DYM: variants seen among roughly 807,000 people sequenced by gnomAD.
DYM encodes dymeclin.
In DYM, 78 loss-of-function variants were observed where a neutral mutation model predicts 93.1. The ratio of observed to expected loss-of-function variants is 0.84; its 90% CI spans 0.70 to 1.01. The LOEUF (loss-of-function observed/expected upper bound fraction) is 1.01. Among genes scored for constraint, DYM ranks in the 50% least tolerant of loss-of-function variants. DYM has a pLI of 0.00. For synonymous variants in DYM, 321 were observed against 319.7 expected (o/e 1.00, Z -0.04); for missense variants, 789 against 845.0 (o/e 0.93, Z 0.82).
intron 15 of DYM, among the ~76,000 whole-genome samples, chr18:49,138,448 C>T (rs1019312823): frequency 2.0e-5 from 3 of 152,258 alleles, no homozygotes; most frequent in East Asian, 3.9e-4. Context: ...CCTCCACCTC[C>T]TAGGGGCCTT....
At chr18:49,200,022 A>C in intron 14 of DYM, among the ~76,000 whole-genome samples, 1 of 152,158 alleles carries the variant, frequency 6.6e-6, no homozygotes, top group Non-Finnish European at 1.5e-5. Flanking sequence ...AAATCTATGA[A>C]AGTTCTAAAA....
chr18:49,145,108 C>CACATATATATATATATATATAT (rs74174741), intron 15 of DYM, among the ~76,000 whole-genome samples: 8 of 18,752 alleles, frequency 4.3e-4, no homozygotes, highest in Non-Finnish European at 9.2e-4. Context: ...CAAAAAAATT[C>CACATATATATATATATATATAT]ATATATATAT....
intron 11 of DYM, among the ~76,000 whole-genome samples, chr18:49,262,199 G>A (rs1231131959): frequency 6.6e-6 from 1 of 152,218 alleles, no homozygotes; most frequent in Non-Finnish European, 1.5e-5. Context: ...TGTGATGACA[G>A]TAGCAGAGAC....
chr18:49,252,359 G>A (rs1400679088), intron 13 of DYM, among the ~76,000 whole-genome samples: 4 of 151,870 alleles, frequency 2.6e-5, no homozygotes, highest in African/African-American at 7.3e-5. Flanking sequence ...GGAGAAGCAC[G>A]GCACCTTCTT....
At chr18:49,191,993 A>G (rs1218388467) in intron 14 of DYM, among the ~76,000 whole-genome samples, 10 of 151,992 alleles carry the variant, frequency 6.6e-5, no homozygotes, top group African/African-American at 2.4e-5. Context: ...CTGGAGTGTA[A>G]TAGTGCAATC....
intron 13 of DYM, among the ~76,000 whole-genome samples, chr18:49,225,431 C>A (rs1332949589): frequency 6.6e-6 from 1 of 152,054 alleles, no homozygotes; most frequent in African/African-American, 2.4e-5. Context: ...GAAGGATTAA[C>A]AGACTGGCTG....
intron 13 of DYM, among the ~76,000 whole-genome samples, chr18:49,245,255 C>G (rs1035690300): frequency 6.6e-6 from 1 of 152,072 alleles, no homozygotes; most frequent in Non-Finnish European, 1.5e-5. Context: ...TGTATTTGAA[C>G]AGTATGAAAT....
chr18:49,273,272 C>G (rs1309134963), intron 10 of DYM, among the ~76,000 whole-genome samples: 5 of 152,148 alleles, frequency 3.3e-5, no homozygotes, highest in Non-Finnish European at 5.9e-5. Context: ...TATTAACTTC[C>G]AGGAACGAAG....
In DYM at chr18:49,332,902, G is replaced by A. The variant is rs376035369; in HGVS notation, c.620+826C>T. ...CGATGCCAGCACTACTTCAAACCAC[G>A]GTCATTCTGAGTGTCATTCTGAGTG... On this transcript the variant is annotated intron_variant, in intron 7 of 17. Transcript: ENST00000675505. 5.3e-5 allele frequency among the ~76,000 whole-genome samples: 8 copies of A among 152,204 alleles called. No individual in the cohort carries two copies. The East Asian group carries it at 9.6e-4, about 18-fold the overall frequency.
At chr18:49,059,205 A>G (rs2075748969) in intron 17 of DYM, among the ~76,000 whole-genome samples, 1 of 152,228 alleles carries the variant, frequency 6.6e-6, no homozygotes, top group Non-Finnish European at 1.5e-5. Flanking sequence ...CCACCATGTA[A>G]GGACACAGCT....
rs374236834 is a variant in DYM at position 49,406,734 on chromosome 18, A to G, written c.141-15089T>C. Among the ~76,000 whole-genome samples, 13 of 152,346 alleles carry G rather than the reference A, an allele frequency of 8.5e-5. No individual in the cohort carries two copies. In the East Asian group the frequency reaches 2.5e-3, roughly 29 times the overall value. On this transcript the variant is annotated intron_variant, in intron 2 of 17. Coordinates refer to ENST00000675505, the MANE Select transcript of DYM (RefSeq NM_001353214.3). ...GGCAGATAAACTGGCTCTCTCACAC[A>G]TTGCTGATGGGAAAGTAAAGTGATA...
At chr18:49,234,242 T>G (rs1202557247) in intron 13 of DYM, among the ~76,000 whole-genome samples, 1 of 151,896 alleles carries the variant, frequency 6.6e-6, no homozygotes, top group African/African-American at 2.4e-5. Flanking sequence ...ATTGCTTGAG[T>G]CCAGGAGTTC....
intron 14 of DYM, among the ~76,000 whole-genome samples, chr18:49,196,433 G>C (rs2091454836): frequency 3.2e-5 from 2 of 63,282 alleles, no homozygotes; most frequent in Admixed American, 4.1e-4. Context: ...CTAGGGATCA[G>C]TGGTTACACA....
chr18:49,119,456 C>G (rs1245328753), intron 15 of DYM, among the ~76,000 whole-genome samples: 1 of 152,118 alleles, frequency 6.6e-6, no homozygotes, highest in Non-Finnish European at 1.5e-5. Context: ...AGTTGCCAAA[C>G]AGTAAAGCTC....
chr18:49,067,739 A>G (rs904019954), intron 17 of DYM, among the ~76,000 whole-genome samples: 4 of 152,202 alleles, frequency 2.6e-5, no homozygotes, highest in African/African-American at 9.7e-5. Flanking sequence ...TAAATAACAC[A>G]CAACAAAATA....
chr18:49,126,655 T>C (rs879470427), intron 15 of DYM, among the ~76,000 whole-genome samples: 2 of 1,520 alleles, frequency 1.3e-3, no homozygotes, highest in Non-Finnish European at 0.033. Context: ...TTTAATATTA[T>C]TTGATTTTTT....
intron 8 of DYM, among the ~76,000 whole-genome samples, chr18:49,325,421 G>A (rs1033281805): frequency 6.6e-6 from 1 of 152,162 alleles, no homozygotes; most frequent in Non-Finnish European, 1.5e-5. Flanking sequence ...GAATTAAAAT[G>A]TGCTACTCCT....
chr18:49,108,149 C>T (rs530103380), intron 16 of DYM, among the ~76,000 whole-genome samples: 1 of 152,346 alleles, frequency 6.6e-6, no homozygotes, highest in Admixed American at 6.5e-5. Flanking sequence ...GCAGTTTGAT[C>T]TCAGACTACT....
chr18:49,148,699 T>C (rs994595980), intron 15 of DYM, among the ~76,000 whole-genome samples: 1 of 152,362 alleles, frequency 6.6e-6, no homozygotes, highest in African/African-American at 2.4e-5. Flanking sequence ...AAAACTTTTC[T>C]GGATCATTCC....
Sources: gnomAD v4.1 joint callset for allele counts (sites outside exome capture counted in the v4.1 genomes callset) on GRCh38, gnomAD v4.1.1 for gene constraint, MANE v1.5 for transcripts, NCBI Gene and HGNC (gene_info 2026-07-23, HGNC 2026-07-21) for gene names.